MPDZ: variants seen among roughly 807,000 people sequenced by gnomAD.
MPDZ encodes multiple PDZ domain crumbs cell polarity complex component.
A neutral mutation model predicts 239.1 loss-of-function variants in MPDZ; 234 were observed. That is an observed-to-expected ratio of 0.98 (90% CI 0.88 to 1.09). The LOEUF (loss-of-function observed/expected upper bound fraction) is 1.09, where lower values mean the gene tolerates loss of function less well. Ranked by LOEUF, MPDZ falls within the 50% of genes least tolerant of loss-of-function variation. MPDZ has a pLI of 0.00. For synonymous variants in MPDZ, 1,048 were observed against 881.3 expected, an observed-to-expected ratio of 1.19 and a Z score of -3.35; for missense variants, 3,175 against 2,510.0, an observed-to-expected ratio of 1.26 and a Z score of -5.66.
At chr9:13,231,422 C>T (rs1218912122) in intron 3 of MPDZ, among the ~76,000 whole-genome samples, 1 of 151,994 alleles carries the variant, frequency 6.6e-6, no homozygotes, top group Non-Finnish European at 1.5e-5. Context: ...AAAAAATTAG[C>T]TGAGCATGGT....
At chr9:13,278,497 G>C (rs1490907000) in intron 1 of MPDZ, among the ~76,000 whole-genome samples, 1 of 152,128 alleles carries the variant, frequency 6.6e-6, no homozygotes, top group African/African-American at 2.4e-5. Context: ...CCCAGCCTTT[G>C]TGCCTCTGCA....
rs16930205 is a variant in MPDZ at position 13,264,538 on chromosome 9, C to G, written c.-57-14166G>C. Among the ~76,000 whole-genome samples, 1,064 of 152,008 alleles carry G rather than the reference C, an allele frequency of 7.0e-3. 9 individuals are homozygous for G. The highest frequency in any genetic ancestry group is 0.023 in the African/African-American group (962 of 41,450). On this transcript the variant is annotated intron_variant, in intron 1 of 46. Transcript: ENST00000319217. ...GGGATCAGAACCCTGGACTGCTGGA[C>G]TAACTCAACCGACCCTCTGAAAGGT...
At chr9:13,186,653 ATTC>A (rs1030626634) in intron 17 of MPDZ, among the ~76,000 whole-genome samples, 2 of 152,064 alleles carry the variant, frequency 1.3e-5, no homozygotes, top group Admixed American at 1.3e-4. Flanking sequence ...CTAATTTTTC[ATTC>A]TTCTTATAAG....
intron 11 of MPDZ, among the ~76,000 whole-genome samples, chr9:13,205,544 G>A (rs1348859129): frequency 6.6e-6 from 1 of 152,060 alleles, no homozygotes; most frequent in Non-Finnish European, 1.5e-5. Flanking sequence ...TTTTATGAAG[G>A]TCACATAAAT....
Position 13,226,960 on chromosome 9 carries a change from CTAAGT to C in MPDZ, c.184-2382_184-2378del, listed in dbSNP as rs538038728. Among the ~76,000 whole-genome samples the C allele has an allele frequency of 1.9e-4, 29 of 152,222 alleles. No individual in the cohort carries two copies. The South Asian group carries it at 2.1e-3, about 11-fold the overall frequency. Reference sequence around the variant, plus strand: ...GATGAAATTACGTAAAGTCACACAGCTAAGTTGTTTGTGACCTAGATTTTTTTTCA... The same window carrying C: ...GATGAAATTACGTAAAGTCACACAGCTGTTTGTGACCTAGATTTTTTTTCA... On this transcript the variant is annotated intron_variant, in intron 3 of 46. Transcript: ENST00000319217.
chr9:13,200,807 T>A (rs1361181617), intron 12 of MPDZ, among the ~76,000 whole-genome samples: 1 of 152,098 alleles, frequency 6.6e-6, no homozygotes, highest in Non-Finnish European at 1.5e-5. Flanking sequence ...TTAAGATTTA[T>A]AAAGACTTGT....
At chr9:13,272,862 T>C (rs773931707) in intron 1 of MPDZ, among the ~76,000 whole-genome samples, 1 of 152,098 alleles carries the variant, frequency 6.6e-6, no homozygotes, top group Non-Finnish European at 1.5e-5. Flanking sequence ...AGTAATGCCT[T>C]AGACAAAGCA....
intron 1 of MPDZ, among the ~76,000 whole-genome samples, chr9:13,275,600 T>A (rs1412568689): frequency 1.3e-5 from 2 of 152,310 alleles, no homozygotes; most frequent in Admixed American, 1.3e-4. Context: ...GCTTTGGAAC[T>A]GGGTAATAGG....
chr9:13,191,576 A>G (rs1954935573), intron 15 of MPDZ, among the ~76,000 whole-genome samples: 1 of 152,184 alleles, frequency 6.6e-6, no homozygotes, highest in Non-Finnish European at 1.5e-5. Context: ...ATTGTATTTT[A>G]AAAGGATAGT....
intron 27 of MPDZ, among the ~76,000 whole-genome samples, chr9:13,141,097 GAAAAAA>G (rs57261600): frequency 7.7e-6 from 1 of 130,062 alleles, no homozygotes; most frequent in Non-Finnish European, 1.7e-5. Flanking sequence ...GTCCTATTTC[GAAAAAA>G]AAAAAAAAAA....
intron 36 of MPDZ, 102 bp from the exon 37 acceptor site, chr9:13,122,272 G>A: frequency 9.6e-7 from 1 of 1,039,286 alleles, no homozygotes; most frequent in South Asian, 1.4e-5. Context: ...ACAGCAATAA[G>A]GGTTATAAAC....
chr9:13,264,687 A>T (rs1007837952), intron 1 of MPDZ, among the ~76,000 whole-genome samples: 5 of 151,836 alleles, frequency 3.3e-5, no homozygotes, highest in African/African-American at 1.2e-4. Context: ...TCCAAAATAC[A>T]CATTAGGGAA....
At chr9:13,204,303 A>G (rs549051236) in intron 12 of MPDZ, among the ~76,000 whole-genome samples, 14 of 152,240 alleles carry the variant, frequency 9.2e-5, no homozygotes, top group Admixed American at 8.5e-4. Flanking sequence ...AAATAATGCT[A>G]CTGGCCAGGT....
At chr9:13,160,985 T>C (rs562088472) in intron 23 of MPDZ, among the ~76,000 whole-genome samples, 1 of 150,992 alleles carries the variant, frequency 6.6e-6, no homozygotes, top group Middle Eastern at 3.4e-3. Flanking sequence ...CACCCTTTTA[T>C]ATAAGGGATT....
intron 7 of MPDZ, among the ~76,000 whole-genome samples, 191 bp from the exon 8 acceptor site, chr9:13,219,959 T>C (rs562933965): frequency 6.6e-6 from 1 of 152,086 alleles, no homozygotes; most frequent in Admixed American, 6.6e-5. Context: ...ATGCAATAAA[T>C]GAAATTCACA....
chr9:13,187,594 T>C lies in MPDZ; in HGVS notation c.2364+1190A>G, dbSNP rs566367543. 7.2e-5 allele frequency among the ~76,000 whole-genome samples: 11 copies of C among 152,280 alleles called. No individual in the cohort carries two copies. In the South Asian group the frequency reaches 2.3e-3, roughly 32 times the overall value. Reference sequence around the variant, plus strand: ...CCTTCTCTTTCTTTTTTCATAAATATATTTTAATAGGCTACTGAAATTCTC... The same window carrying C: ...CCTTCTCTTTCTTTTTTCATAAATACATTTTAATAGGCTACTGAAATTCTC... On this transcript the variant is annotated intron_variant, in intron 17 of 46. Coordinates refer to ENST00000319217, the MANE Select transcript of MPDZ (RefSeq NM_001378778.1).
intron 3 of MPDZ, among the ~76,000 whole-genome samples, chr9:13,233,833 T>C (rs1300370049): frequency 6.6e-6 from 1 of 152,136 alleles, no homozygotes; most frequent in Admixed American, 6.6e-5. Flanking sequence ...CACCTTAAAA[T>C]GAATGCAGAG....
intron 27 of MPDZ, 96 bp downstream of exon 27, chr9:13,143,370 G>A (rs1947981684): frequency 1.1e-6 from 1 of 918,468 alleles, no homozygotes; most frequent in South Asian, 1.7e-5. Flanking sequence ...CTGCCCAAAT[G>A]TAGCAAATAG....
At chr9:13,139,134 G>A (rs1319685280) in intron 28 of MPDZ, among the ~76,000 whole-genome samples, 1 of 152,134 alleles carries the variant, frequency 6.6e-6, no homozygotes, top group African/African-American at 2.4e-5. Flanking sequence ...CCAATGCCAT[G>A]CATTCTACAT....
Sources: gnomAD v4.1 joint callset for allele counts (sites outside exome capture counted in the v4.1 genomes callset) on GRCh38, gnomAD v4.1.1 for gene constraint, MANE v1.5 for transcripts, NCBI Gene and HGNC (gene_info 2026-07-23, HGNC 2026-07-21) for gene names.